Variants in DPP4 observed in about 807,000 individuals in gnomAD.
The protein encoded by DPP4 is dipeptidyl peptidase 4.
A neutral mutation model predicts 122.4 loss-of-function variants in DPP4; 93 were observed. That is an observed-to-expected ratio of 0.76 (90% confidence interval 0.64 to 0.90). The LOEUF (loss-of-function observed/expected upper bound fraction) is 0.90, where lower values mean the gene tolerates loss of function less well. Among genes scored for constraint, DPP4 ranks in the 40% least tolerant of loss-of-function variants. The probability of loss-of-function intolerance (pLI) is 0.00; values close to 1 mark genes in which losing one functional copy is unlikely to be tolerated. For missense variants in DPP4, 914 were observed against 907.3 expected, an observed-to-expected ratio of 1.01 and a Z score of -0.09; for synonymous variants, 321 against 302.9, an observed-to-expected ratio of 1.06 and a Z score of -0.62.
At chr2:162,031,069 T>A (rs758773713) in intron 10 of DPP4, among the ~76,000 whole-genome samples, 1 of 152,246 alleles carries the variant, frequency 6.6e-6, no homozygotes, top group African/African-American at 2.4e-5. Flanking sequence ...CTGAGCACAG[T>A]CCCAGCCCAT....
chr2:161,998,595 T>C (rs575461769), intron 23 of DPP4, among the ~76,000 whole-genome samples: 32 of 152,260 alleles, frequency 2.1e-4, no homozygotes, highest in African/African-American at 7.7e-4. Context: ...CATTGAAACA[T>C]AGAGTAATAG....
At chr2:162,049,080 C>T (rs546719109) in intron 2 of DPP4, among the ~76,000 whole-genome samples, 2 of 152,158 alleles carry the variant, frequency 1.3e-5, no homozygotes, top group Non-Finnish European at 2.9e-5. Flanking sequence ...TACACACAAA[C>T]ATACACTCAC....
intron 10 of DPP4, among the ~76,000 whole-genome samples, chr2:162,033,259 C>CT (rs1426665072): frequency 2.0e-5 from 3 of 152,230 alleles, no homozygotes; most frequent in South Asian, 2.1e-4. Flanking sequence ...TTACACTGCT[C>CT]TTTTTTTATC....
At chr2:162,016,330 GA>G (rs1239330788) in intron 18 of DPP4, among the ~76,000 whole-genome samples, 1 of 152,142 alleles carries the variant, frequency 6.6e-6, no homozygotes, top group Non-Finnish European at 1.5e-5. Flanking sequence ...GCAGGGTTTG[GA>G]AAAGTTCAAA....
At chr2:162,015,798 A>G (rs1016633972) in intron 18 of DPP4, among the ~76,000 whole-genome samples, 5 of 152,148 alleles carry the variant, frequency 3.3e-5, no homozygotes, top group Non-Finnish European at 7.3e-5. Context: ...ATAGAATGTC[A>G]CATCTCAGTA....
At chr2:162,065,450 C>T (rs1684916612) in intron 2 of DPP4, among the ~76,000 whole-genome samples, 1 of 152,216 alleles carries the variant, frequency 6.6e-6, no homozygotes, top group Admixed American at 6.5e-5. Flanking sequence ...CAGGCCATTA[C>T]ATTAACAAAC....
intron 20 of DPP4, among the ~76,000 whole-genome samples, chr2:162,010,341 T>A (rs1682646212): frequency 6.6e-6 from 1 of 152,224 alleles, no homozygotes; most frequent in Non-Finnish European, 1.5e-5. Flanking sequence ...TGTTTTTCTT[T>A]TATTGAATTC....
intron 20 of DPP4, among the ~76,000 whole-genome samples, chr2:162,010,014 A>G (rs532013576): frequency 6.6e-6 from 1 of 152,230 alleles, no homozygotes; most frequent in East Asian, 1.9e-4. Context: ...TGGAACTCAA[A>G]TTTTTAGCAT....
intron 2 of DPP4, among the ~76,000 whole-genome samples, chr2:162,061,601 T>C (rs1684777834): frequency 6.6e-6 from 1 of 152,216 alleles, no homozygotes; most frequent in Admixed American, 6.5e-5. Context: ...CACTTACAAA[T>C]TGTAGGTATA....
At position 162,035,179 on chromosome 2, in the gene DPP4, C is replaced by A; in HGVS notation, c.759G>T (p.Arg253=). The A allele has an allele frequency of 1.9e-6, 3 of 1,613,536 alleles. No homozygotes were observed. The highest frequency in any genetic ancestry group is 2.5e-6 in the Non-Finnish European group (3 of 1,179,798). ...GAGCACAGACCTTTGGATATGGAACCCGTACAGTCTTTGGGTACTGCAGTG... is the reference window on the plus strand; with the variant it reads ...GAGCACAGACCTTTGGATATGGAACACGTACAGTCTTTGGGTACTGCAGTG... The part of the protein sequence containing the change: ...DESLQYPKTV[R]VPYPKAGAVN... Residue 253 remains arginine, a synonymous_variant, in exon 9 of 26, where the codon CGG becomes CGT. Transcript: ENST00000360534.
chr2:162,010,882 T>C (rs544100817), intron 20 of DPP4, among the ~76,000 whole-genome samples: 1 of 152,252 alleles, frequency 6.6e-6, no homozygotes, highest in South Asian at 2.1e-4. Flanking sequence ...TATGATTTCA[T>C]AACATTATTT....
chr2:162,032,198 A>G (rs1257758547), intron 10 of DPP4: 1 of 152,230 alleles, frequency 6.6e-6, no homozygotes, highest in African/African-American at 2.4e-5. Flanking sequence ...CGTTCAAGCC[A>G]GAAAGTCAGG....
intron 10 of DPP4, among the ~76,000 whole-genome samples, chr2:162,030,937 C>T (rs1220813561): frequency 3.3e-5 from 5 of 152,246 alleles, no homozygotes; most frequent in South Asian, 4.1e-4. Flanking sequence ...GCCAAAAATC[C>T]GTCCTGAGAA....
chr2:162,002,705 G>T (rs1034973690), intron 23 of DPP4, among the ~76,000 whole-genome samples: 3 of 152,064 alleles, frequency 2.0e-5, no homozygotes, highest in African/African-American at 7.2e-5. Flanking sequence ...AGAGAGAGGA[G>T]AAAAGAAAAA....
chr2:162,019,694 A>T (rs753450972), intron 14 of DPP4, among the ~76,000 whole-genome samples: 1 of 152,102 alleles, frequency 6.6e-6, no homozygotes, highest in African/African-American at 2.4e-5. Context: ...AGCCACTGCT[A>T]AAGAGGGGCT....
At chr2:162,064,982 T>C (rs371110603) in intron 2 of DPP4, among the ~76,000 whole-genome samples, 2 of 152,348 alleles carry the variant, frequency 1.3e-5, no homozygotes, top group South Asian at 2.1e-4. Flanking sequence ...AATAACCAAA[T>C]ACACGATATG....
intron 5 of DPP4, among the ~76,000 whole-genome samples, chr2:162,039,778 G>A (rs1683922778): frequency 6.6e-6 from 1 of 151,812 alleles, no homozygotes; most frequent in Non-Finnish European, 1.5e-5. Context: ...TAAAAAGGAA[G>A]TCAAACTAAA....
At chr2:162,026,019 G>A (rs977400608) in intron 10 of DPP4, among the ~76,000 whole-genome samples, 5 of 152,110 alleles carry the variant, frequency 3.3e-5, no homozygotes, top group African/African-American at 9.7e-5. Context: ...TTATATGTCC[G>A]TGGAATGCAG....
At chr2:162,023,518 C>T (rs956920407) in intron 11 of DPP4, among the ~76,000 whole-genome samples, 2 of 152,208 alleles carry the variant, frequency 1.3e-5, no homozygotes, top group African/African-American at 4.8e-5. Flanking sequence ...AAGCTATTCA[C>T]ACTGGATGCC....
Sources: allele counts gnomAD v4.1 joint callset (sites outside exome capture counted in the v4.1 genomes callset), GRCh38; gene constraint gnomAD v4.1.1; transcripts MANE v1.5; gene names NCBI Gene and HGNC (gene_info 2026-07-23, HGNC 2026-07-21).